Variants in A2ML1 observed in about 807,000 individuals in gnomAD.
A2ML1 encodes the protein alpha-2-macroglobulin-like protein 1.
Under a neutral mutation model 181.9 loss-of-function variants are expected in A2ML1, and 161 were observed. That is an observed-to-expected ratio of 0.89 (90% CI 0.78 to 1.01). A2ML1 has a LOEUF of 1.01. A2ML1 is among the 50% of genes least tolerant of loss of function. A2ML1 has a pLI of 0.00. For missense variants in A2ML1, 1,670 were observed against 1,768.1 expected (o/e 0.94, Z 1.00); for synonymous variants, 663 against 666.8 (o/e 0.99, Z 0.09).
chr12:8,840,253 G>T (rs1162619734), intron 10 of A2ML1, among the ~76,000 whole-genome samples: 1 of 151,638 alleles, frequency 6.6e-6, no homozygotes, highest in Non-Finnish European at 1.5e-5. Flanking sequence ...CCAGCTACTC[G>T]GGAGTCTGAG....
chr12:8,839,281 C>A, intron 10 of A2ML1, 59 bp downstream of exon 10: 1 of 1,233,862 alleles, frequency 8.1e-7, no homozygotes, highest in Non-Finnish European at 1.2e-6. Context: ...ACTTTGCCTC[C>A]TTCCTGCAGC....
intron 16 of A2ML1, among the ~76,000 whole-genome samples, 184 bp downstream of exon 16, chr12:8,849,098 T>G (rs1259112032): frequency 6.6e-6 from 1 of 152,214 alleles, no homozygotes; most frequent in East Asian, 1.9e-4. Flanking sequence ...ATGTCCAACC[T>G]AGTCTTCCTC....
intron 10 of A2ML1, among the ~76,000 whole-genome samples, chr12:8,839,567 A>G (rs1278457860): frequency 6.6e-6 from 1 of 152,104 alleles, no homozygotes; most frequent in Non-Finnish European, 1.5e-5. Context: ...ATGACACCTT[A>G]GGGGTCTTTC....
At chr12:8,841,632 A>T in intron 11 of A2ML1, 96 bp downstream of exon 11, 1 of 1,296,758 alleles carries the variant, frequency 7.7e-7, no homozygotes, top group Non-Finnish European at 1.1e-6. Flanking sequence ...CTCTGCTTGG[A>T]ATTACATCTT....
rs368827993 is a variant in A2ML1, at chr12:8,864,004, C to T, written c.3713C>T (p.Thr1238Ile). 9.9e-6 allele frequency: 16 copies of T among 1,611,284 alleles called. No individual in the cohort carries two copies. In the African/African-American group the frequency reaches 2.0e-4, roughly 20 times the overall value. ...AATGCATATGGGGGCTTCTCTTCTA[C>T]TCAGGTAAACAGCCTGTTCTCCCAC... ...QHNAYGGFSS[T>I]QDTVVALQAL... Residue 1238 changes from threonine (T) to isoleucine (I), a missense_variant, in exon 29 of 36, where the codon ACT (threonine) becomes ATT (isoleucine). Transcript: ENST00000299698.
rs189389053 is a variant in A2ML1, at chr12:8,838,961, A to G, written c.971-152A>G. On this transcript the variant is annotated intron_variant, in intron 9 of 35. Transcript: ENST00000299698. ...AGAAGAAATACTACATACTTCTCCAAAAGATTGGGGAGGTGAGGTTGGTTT... is the reference window on the plus strand; with the variant it reads ...AGAAGAAATACTACATACTTCTCCAGAAGATTGGGGAGGTGAGGTTGGTTT... 6.7e-4 allele frequency: 358 copies of G among 537,388 alleles called. 1 individual carries two copies. The highest frequency in any genetic ancestry group is 6.4e-3 in the African/African-American group (332 of 51,794). The allele number at this position is 537,388 out of a possible 1,614,324, so 33.3% of individuals were successfully genotyped here.
At position 8,857,938 on chromosome 12, in the gene A2ML1, C is replaced by T. The variant is rs748688899; in HGVS notation, c.3108-8C>T. On this transcript the variant is annotated splice_polypyrimidine_tract_variant and splice_region_variant and intron_variant, in intron 25 of 35. Transcript: ENST00000299698. ...CTTCATGCCATATTTTCCTCTTTAC[C>T]CATGTAGGCTGACAGCGTTTGTCAC... The T allele has an allele frequency of 8.1e-6, 13 of 1,612,812 alleles. No homozygotes were observed. The South Asian group carries it at 1.1e-4, about 14-fold the overall frequency.
chr12:8,844,860 G>T, intron 12 of A2ML1: 1 of 456,084 alleles, frequency 2.2e-6, no homozygotes, highest in Non-Finnish European at 3.3e-6. Context: ...CTAATGCTGG[G>T]CAGGCGTCCA....
intron 4 of A2ML1, chr12:8,830,675 C>T (rs908682876): frequency 6.6e-6 from 1 of 152,210 alleles, no homozygotes; most frequent in Non-Finnish European, 1.5e-5. Context: ...CCGGACACCC[C>T]TGCTTTCTTC....
At chr12:8,875,097 C>CT in intron 35 of A2ML1, 85 bp downstream of exon 35, 5 of 1,456,466 alleles carry the variant, frequency 3.4e-6, no homozygotes, top group Non-Finnish European at 3.8e-6. Flanking sequence ...CTGTCATTGT[C>CT]TTTTTTTGAG....
At chr12:8,883,287 A>C (rs1944886954) in intron 7 of A2ML1, among the ~76,000 whole-genome samples, 1 of 152,058 alleles carries the variant, frequency 6.6e-6, no homozygotes, top group Admixed American at 6.6e-5. Flanking sequence ...CCAACTCCCC[A>C]CCACCACACC....
rs1944249591 is a variant in A2ML1, at chr12:8,861,207, G to A, written c.3412G>A (p.Ala1138Thr). The A allele has an allele frequency of 1.9e-6, 3 of 1,613,988 alleles. No homozygotes were observed. In the African/African-American group the frequency reaches 4.0e-5, roughly 22 times the overall value. Residue 1138 changes from alanine (A) to threonine (T), a missense_variant, in exon 28 of 36, where the codon GCC (alanine) becomes ACC (threonine). By Grantham distance (58) the Ala-to-Thr change is moderately conservative (BLOSUM62 0). Transcript: ENST00000299698. Reference sequence around the variant, plus strand: ...CTCCACGACCAACCTCTACACACAGGCCCTGTTGGCTTACATTTTCTCCCT... The same window carrying A: ...CTCCACGACCAACCTCTACACACAGACCCTGTTGGCTTACATTTTCTCCCT... ...ATSTTNLYTQ[A>T]LLAYIFSLAG...
intron 33 of A2ML1, among the ~76,000 whole-genome samples, chr12:8,873,610 A>T (rs112746797): frequency 0.046 from 7,031 of 152,052 alleles, 511 homozygotes; most frequent in African/African-American, 0.16. Context: ...ATACACACAC[A>T]TTTTTTTTCA....
intron 26 of A2ML1, among the ~76,000 whole-genome samples, chr12:8,859,208 T>G (rs1944174397): frequency 6.6e-6 from 1 of 151,952 alleles, no homozygotes; most frequent in African/African-American, 2.4e-5. Context: ...CAGGACACAC[T>G]CAGTGCAAGA....
In A2ML1 at chr12:8,855,491, T is replaced by A. The variant is rs759540195; in HGVS notation, c.2765-18T>A. 5 of 1,613,610 alleles carry A rather than the reference T, an allele frequency of 3.1e-6. No individual in the cohort carries two copies. The East Asian group carries it at 1.1e-4, about 36-fold the overall frequency. ...TCCCCATCTTCTATTGTGTCACCTTTTTTTCTGCATCTCACAGGAAAGGTG... is the reference window on the plus strand; with the variant it reads ...TCCCCATCTTCTATTGTGTCACCTTATTTTCTGCATCTCACAGGAAAGGTG... On this transcript the variant is annotated intron_variant, in intron 22 of 35. Transcript: ENST00000299698.
chr12:8,859,710 A>G (rs1334767053), intron 26 of A2ML1, among the ~76,000 whole-genome samples: 1 of 152,030 alleles, frequency 6.6e-6, no homozygotes, highest in African/African-American at 2.4e-5. Flanking sequence ...GACTACAGGC[A>G]TGTGCCACCA....
chr12:8,868,044 G>A lies in A2ML1; in HGVS notation c.3920G>A (p.Cys1307Tyr). Residue 1307 changes from cysteine to tyrosine, a missense_variant, in exon 30 of 36, where the codon TGT becomes TAT. Cys to Tyr is a radical substitution (Grantham distance 194). Transcript: ENST00000299698. ...MYTLEASGQG[C>Y]VYVQTVLRYN... Reference sequence around the variant, plus strand: ...ACGTTGGAGGCCTCAGGCCAGGGCTGTGTCTATGTGCAGGTAAGTAGAGAT... The same window carrying A: ...ACGTTGGAGGCCTCAGGCCAGGGCTATGTCTATGTGCAGGTAAGTAGAGAT... The A allele has an allele frequency of 1.2e-6, 2 of 1,614,160 alleles. No individual in the cohort carries two copies. Among genetic ancestry groups the A allele is most frequent in the African/African-American group, 1.3e-5 (1 of 75,072 alleles).
chr12:8,858,113 G>C lies in A2ML1; in HGVS notation c.3264+11G>C. 6.2e-7 allele frequency: 1 copy of C among 1,610,790 alleles called. No homozygotes were observed. Among genetic ancestry groups the C allele is most frequent in the Non-Finnish European group, 8.5e-7 (1 of 1,178,138 alleles). On this transcript the variant is annotated intron_variant, in intron 26 of 35. Transcript: ENST00000299698. ...CACACAGCTATGAAGGTGCGGATCT[G>C]TCCAGGAGCCTGCAGCCAACCACTG... is the stretch of plus-strand genomic sequence containing the variant.
chr12:8,861,467 C>T (rs1473033030), intron 28 of A2ML1, among the ~76,000 whole-genome samples, 170 bp downstream of exon 28: 1 of 152,128 alleles, frequency 6.6e-6, no homozygotes, highest in Admixed American at 6.6e-5. Flanking sequence ...CACGCAAGTG[C>T]TCAAAGGGCA....
Sources: gnomAD v4.1 joint callset for allele counts (sites outside exome capture counted in the v4.1 genomes callset) on GRCh38, gnomAD v4.1.1 for gene constraint, MANE v1.5 for transcripts, NCBI Gene and HGNC (gene_info 2026-07-23, HGNC 2026-07-21) for gene names.